COL27A1: variants seen among roughly 807,000 people sequenced by gnomAD.
COL27A1 encodes collagen alpha-1(XXVII) chain.
A neutral mutation model predicts 251.3 loss-of-function variants in COL27A1; 106 were observed. The observed-to-expected ratio is 0.42, with a 90% CI of 0.36 to 0.50. The LOEUF is 0.50. Among genes scored for constraint, COL27A1 ranks in the 20% least tolerant of loss-of-function variants. The probability of loss-of-function intolerance (pLI) is 0.00; values close to 1 mark genes in which losing one functional copy is unlikely to be tolerated. For missense variants in COL27A1, 2,325 were observed against 2,522.8 expected (o/e 0.92, Z 1.68); for synonymous variants, 1,000 against 986.3 (o/e 1.01, Z -0.26).
intron 31 of COL27A1, 48 bp downstream of exon 31, chr9:114,265,158 G>A (rs200235676): frequency 1.8e-6 from 1 of 543,798 alleles, no homozygotes. Context: ...CTTTTGATGG[G>A]GGTGGGGGGC....
chr9:114,269,185 C>T lies in COL27A1; in HGVS notation c.3502-56C>T, dbSNP rs1204534168. 6.1e-6 allele frequency: 8 copies of T among 1,304,996 alleles called. No individual in the cohort carries two copies. The East Asian group carries it at 1.0e-4, about 17-fold the overall frequency. The allele number at this position is 1,304,996 out of a possible 1,614,324, so 80.8% of individuals were successfully genotyped here. A position where few individuals can be genotyped will look rare whatever the true frequency, so the allele number is the denominator to read the frequency against. Reference sequence around the variant, plus strand: ...AGCTGGTGGAAACAGGAAGGGGTGTCGAGAGCTGGGGCTGGCCCTACCCAC... The same window carrying T: ...AGCTGGTGGAAACAGGAAGGGGTGTTGAGAGCTGGGGCTGGCCCTACCCAC... On this transcript the variant is annotated intron_variant, in intron 34 of 60. Coordinates refer to ENST00000356083, the MANE Select transcript of COL27A1 (RefSeq NM_032888.4).
At chr9:114,294,202 C>T (rs551438369) in intron 49 of COL27A1, among the ~76,000 whole-genome samples, 16 of 142,126 alleles carry the variant, frequency 1.1e-4, no homozygotes, top group African/African-American at 3.4e-4. Context: ...GAGCCAAGAT[C>T]GTGCCATTGC....
intron 1 of COL27A1, among the ~76,000 whole-genome samples, chr9:114,156,270 G>T (rs1848116657): frequency 6.6e-6 from 1 of 151,172 alleles, no homozygotes; most frequent in Non-Finnish European, 1.5e-5. Context: ...CCAGCCCGGG[G>T]GTCGGGGGTG....
chr9:114,169,337 G>A lies in COL27A1; in HGVS notation c.1782G>A (p.Pro594=), dbSNP rs541446954. The A allele has an allele frequency of 1.3e-4, 202 of 1,612,694 alleles. No homozygotes were observed. The highest frequency in any genetic ancestry group is 6.9e-4 in the East Asian group (31 of 44,850). ...CCACCCCGGCCCTGGTATTGGCCCC[G>A]GCGCAATTCCTGTCCTCCAGCCCCC... ...QQTTPALVLA[P]AQFLSSSPRP... Residue 594 remains proline (P), a synonymous_variant, in exon 3 of 61, where the codon CCG becomes CCA. Transcript: ENST00000356083.
chr9:114,278,224 GTGA>G (rs1426122082), intron 37 of COL27A1, among the ~76,000 whole-genome samples: 1 of 149,686 alleles, frequency 6.7e-6, no homozygotes, highest in Non-Finnish European at 1.5e-5. Context: ...AATAATGATG[GTGA>G]TGGTGGTAGT....
intron 28 of COL27A1, among the ~76,000 whole-genome samples, chr9:114,262,565 G>A (rs765862549): frequency 4.6e-4 from 70 of 152,350 alleles, no homozygotes; most frequent in Admixed American, 1.4e-3. Context: ...CACTTTCTGC[G>A]TGCCAGGCAC....
At chr9:114,281,946 GA>G (rs1396169737) in intron 37 of COL27A1, among the ~76,000 whole-genome samples, 1 of 152,188 alleles carries the variant, frequency 6.6e-6, no homozygotes, top group Non-Finnish European at 1.5e-5. Context: ...GACACCCCTG[GA>G]TGCCTAACAG....
intron 19 of COL27A1, among the ~76,000 whole-genome samples, chr9:114,238,492 C>T (rs1832548050): frequency 6.6e-6 from 1 of 152,186 alleles, no homozygotes; most frequent in African/African-American, 2.4e-5. Flanking sequence ...CTTGCTCACC[C>T]ATGAGGTCTC....
Position 114,290,424 on chromosome 9 carries a change from G to A in COL27A1, c.4368+93G>A. On this transcript the variant is annotated intron_variant, in intron 47 of 60. Coordinates refer to ENST00000356083, the MANE Select transcript of COL27A1 (RefSeq NM_032888.4). This position sits in a 1 kb window ranked among gnomAD's most constrained non-coding sequence, Gnocchi z 4.6. ...GCCATGGGCCAGAGGAGCCCGTTTG[G>A]AAACTTGGATGGGCAGAACCAACAC... The A allele has an allele frequency of 8.6e-7, 1 of 1,167,450 alleles. No individual in the cohort carries two copies. The highest frequency in any genetic ancestry group is 1.2e-6 in the Non-Finnish European group (1 of 802,928). 72.3% of individuals were successfully genotyped at this position (1,167,450 alleles called of 1,614,324 possible).
At chr9:114,157,469 C>G (rs1848200763) in intron 1 of COL27A1, among the ~76,000 whole-genome samples, 1 of 152,264 alleles carries the variant, frequency 6.6e-6, no homozygotes. Flanking sequence ...TCTGTTTCCT[C>G]CCTGTACTCA....
chr9:114,186,437 A>T (rs1329187622), intron 5 of COL27A1, among the ~76,000 whole-genome samples: 1 of 152,176 alleles, frequency 6.6e-6, no homozygotes, highest in African/African-American at 2.4e-5. Context: ...TGAGCGAGAA[A>T]GCAAAACAAG....
At chr9:114,242,610 G>A (rs1428530716) in intron 22 of COL27A1, among the ~76,000 whole-genome samples, 3 of 152,210 alleles carry the variant, frequency 2.0e-5, no homozygotes, top group Non-Finnish European at 4.4e-5. Flanking sequence ...CTTCCAAGCT[G>A]CCTTCCCAAA....
chr9:114,288,440 G>C lies in COL27A1; in HGVS notation c.3988-15G>C. 2 of 1,609,192 alleles carry C rather than the reference G, an allele frequency of 1.2e-6. No homozygotes were observed. Among genetic ancestry groups the C allele is most frequent in the Non-Finnish European group, 8.5e-7 (1 of 1,178,558 alleles). Reference sequence around the variant, plus strand: ...GAGCAGGCGGTTTGCCCTAAAGCTGGTTCTGTGTCCACAGGGGGAGCAGGG... The same window carrying C: ...GAGCAGGCGGTTTGCCCTAAAGCTGCTTCTGTGTCCACAGGGGGAGCAGGG... On this transcript the variant is annotated splice_polypyrimidine_tract_variant and intron_variant, in intron 41 of 60. Coordinates refer to ENST00000356083, the MANE Select transcript of COL27A1 (RefSeq NM_032888.4).
intron 16 of COL27A1, among the ~76,000 whole-genome samples, chr9:114,234,700 G>A (rs1372515498): frequency 6.6e-6 from 1 of 152,180 alleles, no homozygotes; most frequent in Admixed American, 6.5e-5. Flanking sequence ...CTTAAGTCAA[G>A]ACCAATTTAC....
intron 23 of COL27A1, among the ~76,000 whole-genome samples, chr9:114,245,166 T>TG (rs1833041386): frequency 7.6e-6 from 1 of 131,468 alleles, no homozygotes; most frequent in African/African-American, 2.8e-5. Context: ...TTTTTTTTTT[T>TG]TTTTTTTTTT....
At chr9:114,191,593 A>G (rs1828751768) in intron 5 of COL27A1, among the ~76,000 whole-genome samples, 1 of 152,158 alleles carries the variant, frequency 6.6e-6, no homozygotes, top group Admixed American at 6.5e-5. Flanking sequence ...AAAGGACGTG[A>G]TCTCATTCCT....
At chr9:114,167,626 A>G (rs1361965970) in intron 2 of COL27A1, 63 bp from the exon 3 acceptor site, 16 of 1,409,694 alleles carry the variant, frequency 1.1e-5, no homozygotes, top group Non-Finnish European at 5.9e-6. Flanking sequence ...CTTAGGGGGT[A>G]GGGGGTGGGG....
intron 5 of COL27A1, among the ~76,000 whole-genome samples, chr9:114,191,812 C>T (rs1564450192): frequency 6.6e-6 from 1 of 152,200 alleles, no homozygotes. Context: ...TCCTACCGTG[C>T]CTTAGCTTCC....
chr9:114,288,388 C>T (rs1827658512), intron 41 of COL27A1, 67 bp from the exon 42 acceptor site: 1 of 1,523,478 alleles, frequency 6.6e-7, no homozygotes, highest in Non-Finnish European at 9.0e-7. Flanking sequence ...GAAGCGCTTT[C>T]CGTCTGGAAT....
Sources: allele counts gnomAD v4.1 joint callset (sites outside exome capture counted in the v4.1 genomes callset), GRCh38; gene constraint gnomAD v4.1.1; non-coding constraint Gnocchi (gnomAD v3.1); transcripts MANE v1.5; gene names NCBI Gene and HGNC (gene_info 2026-07-23, HGNC 2026-07-21).